The following DENND4C variants were observed in gnomAD, a reference collection of about 807,000 sequenced individuals.
DENND4C encodes the protein DENN domain containing 4C.
DENND4C carries 108 observed loss-of-function variants against 203.0 expected under a neutral mutation model. The ratio of observed to expected loss-of-function variants is 0.53; its 90% CI spans 0.46 to 0.62. The LOEUF (loss-of-function observed/expected upper bound fraction) is 0.62. Ranked by LOEUF, DENND4C falls within the 20% of genes least tolerant of loss-of-function variation. The pLI is 0.00. For synonymous variants in DENND4C, 871 were observed against 792.4 expected, an observed-to-expected ratio of 1.10 and a Z score of -1.67; for missense variants, 2,481 against 2,301.2, an observed-to-expected ratio of 1.08 and a Z score of -1.60.
rs556596854 is a variant in DENND4C, at chr9:19,269,989, G to A, written c.-17-6169G>A. On this transcript the variant is annotated intron_variant, in intron 1 of 32. Transcript: ENST00000434457. ...GTATCTACATTAGGGAGCACCTTAA[G>A]CCCAGTAATGCTGTGACTCTTGTAG... is the stretch of plus-strand genomic sequence containing the variant. Among the ~76,000 whole-genome samples, 23 of 152,312 alleles carry A rather than the reference G, an allele frequency of 1.5e-4. 1 individual carries two copies. The South Asian group carries it at 3.5e-3, about 23-fold the overall frequency.
intron 20 of DENND4C, among the ~76,000 whole-genome samples, chr9:19,339,127 C>A (rs1588950320): frequency 6.6e-6 from 1 of 152,146 alleles, no homozygotes. Flanking sequence ...ATTCTGCATG[C>A]ATGCACATAC....
chr9:19,255,773 C>G (rs769186865), intron 1 of DENND4C, among the ~76,000 whole-genome samples: 3 of 152,160 alleles, frequency 2.0e-5, no homozygotes, highest in Non-Finnish European at 4.4e-5. Context: ...TAATTTTAGT[C>G]AGAGATTTTA....
chr9:19,367,901 A>G (rs1588998703), intron 30 of DENND4C, among the ~76,000 whole-genome samples: 1 of 152,358 alleles, frequency 6.6e-6, no homozygotes, highest in Non-Finnish European at 1.5e-5. Context: ...AGGAGCATAG[A>G]TTGTATTATT....
intron 4 of DENND4C, among the ~76,000 whole-genome samples, chr9:19,290,278 TA>T (rs1321311547): frequency 6.6e-6 from 1 of 152,234 alleles, no homozygotes; most frequent in African/African-American, 2.4e-5. Flanking sequence ...AAGATGAGTT[TA>T]GGGGCTGTGA....
chr9:19,312,431 T>G (rs1179838972), intron 10 of DENND4C, among the ~76,000 whole-genome samples: 1 of 151,878 alleles, frequency 6.6e-6, no homozygotes, highest in Non-Finnish European at 1.5e-5. Context: ...AAAATCAAGG[T>G]GGTAATTGTG....
At chr9:19,315,889 A>G (rs1277497366) in intron 10 of DENND4C, among the ~76,000 whole-genome samples, 2 of 152,078 alleles carry the variant, frequency 1.3e-5, no homozygotes, top group East Asian at 1.9e-4. Context: ...TATTTTTAGT[A>G]GAGACGGGGT....
In DENND4C at chr9:19,286,818, C is replaced by G. The variant is rs1242161340; in HGVS notation, c.355C>G (p.Leu119Val). The change falls in exon 3 of 33, where the codon CTA becomes GTA. Residue 119 changes from leucine to valine, a missense_variant. Leu to Val is a conservative substitution (Grantham distance 32). Transcript: ENST00000434457. ...ERLIPGCEVI[L>V]ATPYGRCANV... ...GCTTATTCCAGGATGTGAAGTGATC[C>G]TAGCCACACCCTATGGTCGCTGTGC... The G allele has an allele frequency of 2.4e-6, 3 of 1,231,978 alleles. No homozygotes were observed. Among genetic ancestry groups the G allele is most frequent in the African/African-American group, 1.6e-5 (1 of 64,496 alleles). The allele number at this position is 1,231,978 out of a possible 1,614,324, so 76.3% of individuals were successfully genotyped here.
chr9:19,313,329 A>C lies in DENND4C; in HGVS notation c.1488-3088A>C, dbSNP rs1422192823. On this transcript the variant is annotated intron_variant, in intron 10 of 32. Coordinates refer to ENST00000434457, the MANE Select transcript of DENND4C (RefSeq NM_001330640.2). ...ATTGATGGCCCCTTAGATTAGATGA[A>C]ATGTAGTTCATCTACCCACAGTAGC... Among the ~76,000 whole-genome samples the C allele has an allele frequency of 2.6e-5, 4 of 152,328 alleles. No individual in the cohort carries two copies. In the East Asian group the frequency reaches 7.7e-4, roughly 29 times the overall value.
At chr9:19,324,800 A>G (rs1464825487) in intron 13 of DENND4C, among the ~76,000 whole-genome samples, 1 of 152,202 alleles carries the variant, frequency 6.6e-6, no homozygotes, top group East Asian at 1.9e-4. Flanking sequence ...GCTCATTGCA[A>G]CTTTGAACTT....
In DENND4C at chr9:19,373,130, T is replaced by A. The variant is rs1129102; in HGVS notation, c.*957T>A. 1 of 152,184 alleles carries A rather than the reference T, an allele frequency of 6.6e-6. No individual in the cohort carries two copies. The highest frequency in any genetic ancestry group is 6.5e-5 in the Admixed American group (1 of 15,272). 9.4% of individuals were successfully genotyped at this position (152,184 alleles called of 1,614,324 possible). ...TTTAATGTATTAGGTTGGCACAAAATTAATTGTAGTTTTTGCCACTATTAA... is the reference window on the plus strand; with the variant it reads ...TTTAATGTATTAGGTTGGCACAAAAATAATTGTAGTTTTTGCCACTATTAA... On this transcript the variant is annotated 3_prime_UTR_variant, in exon 33 of 33. Transcript: ENST00000434457.
At chr9:19,325,864 C>T in intron 13 of DENND4C, 75 bp from the exon 14 acceptor site, 1 of 1,436,120 alleles carries the variant, frequency 7.0e-7, no homozygotes, top group East Asian at 2.3e-5. Context: ...TTTTCTAAAT[C>T]AGAATGTAAG....
At chr9:19,341,610 G>A (rs938154301) in intron 21 of DENND4C, among the ~76,000 whole-genome samples, 1 of 151,906 alleles carries the variant, frequency 6.6e-6, no homozygotes, top group Non-Finnish European at 1.5e-5. Context: ...ACACCTGGCT[G>A]TAAGATACCT....
At chr9:19,327,921 A>G in intron 15 of DENND4C, 109 bp from the exon 16 acceptor site, 1 of 1,048,914 alleles carries the variant, frequency 9.5e-7, no homozygotes, top group Non-Finnish European at 1.3e-6. Flanking sequence ...AAGCATTTAA[A>G]ATAATGTTGG....
intron 30 of DENND4C, among the ~76,000 whole-genome samples, chr9:19,364,470 ACTGT>A (rs1378131926): frequency 2.0e-5 from 3 of 152,232 alleles, no homozygotes; most frequent in Non-Finnish European, 4.4e-5. Flanking sequence ...AAGGATACTT[ACTGT>A]AAGATTTTTT....
chr9:19,232,226 A>G (rs1820757895), intron 1 of DENND4C, among the ~76,000 whole-genome samples: 1 of 152,196 alleles, frequency 6.6e-6, no homozygotes, highest in South Asian at 2.1e-4. Flanking sequence ...TGTATTCATG[A>G]ACATGATCTG....
intron 16 of DENND4C, among the ~76,000 whole-genome samples, chr9:19,330,636 C>A (rs1818909448): frequency 6.6e-6 from 1 of 151,904 alleles, no homozygotes; most frequent in Non-Finnish European, 1.5e-5. Context: ...CCATGCCCAG[C>A]CCCAAGATTT....
chr9:19,305,814 A>C (rs1029907082), intron 10 of DENND4C, among the ~76,000 whole-genome samples: 7 of 152,228 alleles, frequency 4.6e-5, no homozygotes, highest in Admixed American at 2.0e-4. Context: ...AGTAATGGTT[A>C]AACACTGCTT....
chr9:19,280,815 A>C (rs1422921926), intron 2 of DENND4C, among the ~76,000 whole-genome samples: 1 of 151,876 alleles, frequency 6.6e-6, no homozygotes, highest in African/African-American at 2.4e-5. Flanking sequence ...ATCACAGCTT[A>C]CTGCAGCCTC....
chr9:19,281,244 A>C (rs1197644680), intron 2 of DENND4C, among the ~76,000 whole-genome samples: 1 of 152,142 alleles, frequency 6.6e-6, no homozygotes, highest in Non-Finnish European at 1.5e-5. Context: ...TAAGGCTTCT[A>C]ATTTTTGTTA....
Sources: allele counts gnomAD v4.1 joint callset (sites outside exome capture counted in the v4.1 genomes callset), GRCh38; gene constraint gnomAD v4.1.1; transcripts MANE v1.5; gene names NCBI Gene and HGNC (gene_info 2026-07-23, HGNC 2026-07-21).